Variants in GTF3C2 observed in about 807,000 individuals in gnomAD.
The protein encoded by GTF3C2 is general transcription factor IIIC subunit 2, also known as general transcription factor 3C polypeptide 2.
Under a neutral mutation model 117.4 loss-of-function variants are expected in GTF3C2, and 17 were observed. That is an observed-to-expected ratio of 0.14 (90% CI 0.10 to 0.22). The LOEUF (loss-of-function observed/expected upper bound fraction) is 0.22. Ranked by LOEUF, GTF3C2 falls within the 10% of genes least tolerant of loss-of-function variation. The pLI is 1.00. For missense variants in GTF3C2, 888 were observed against 1,143.6 expected, an observed-to-expected ratio of 0.78 and a Z score of 3.22; for synonymous variants, 437 against 427.0, an observed-to-expected ratio of 1.02 and a Z score of -0.29.
At chr2:27,333,148 G>A (rs182827959) in intron 12 of GTF3C2, among the ~76,000 whole-genome samples, 6 of 149,738 alleles carry the variant, frequency 4.0e-5, no homozygotes, top group Admixed American at 1.3e-4. Context: ...ACACCTGGCC[G>A]GCATCTACTC....
chr2:27,341,043 GTTTTGTTTTT>G (rs1680711725), intron 4 of GTF3C2, among the ~76,000 whole-genome samples: 1 of 151,626 alleles, frequency 6.6e-6, no homozygotes, highest in South Asian at 2.1e-4. Context: ...GTTTTGTTTT[GTTTTGTTTTT>G]GAGATGGAGT....
chr2:27,341,927 T>G, intron 4 of GTF3C2, 21 bp downstream of exon 4: 2 of 1,604,478 alleles, frequency 1.2e-6, no homozygotes, highest in Non-Finnish European at 1.7e-6. Context: ...CCCCATTCAC[T>G]TTCTTGTCCA....
chr2:27,333,682 G>T, exon 12 of GTF3C2: 1 of 1,611,420 alleles, frequency 6.2e-7, no homozygotes, highest in Non-Finnish European at 8.5e-7. Context: ...GCTAGGTGTT[G>T]GTGGGGCCTG....
intron 1 of GTF3C2, among the ~76,000 whole-genome samples, chr2:27,347,092 A>G (rs942756930): frequency 6.6e-6 from 1 of 152,168 alleles, no homozygotes; most frequent in African/African-American, 2.4e-5. Context: ...GGGCCAAAGT[A>G]AACTAAGATA....
chr2:27,326,747 C>T, exon 19 of GTF3C2: 1 of 1,614,058 alleles, frequency 6.2e-7, no homozygotes, highest in Non-Finnish European at 8.5e-7. Flanking sequence ...ATGGTTGGAA[C>T]ATAGCATTGA....
chr2:27,354,747 G>A (rs1004509176), intron 1 of GTF3C2, among the ~76,000 whole-genome samples: 3 of 152,106 alleles, frequency 2.0e-5, no homozygotes, highest in Non-Finnish European at 4.4e-5. Flanking sequence ...AGTGACAGAG[G>A]AAGATTCCGG....
chr2:27,342,119 C>T (rs760611104), exon 4 of GTF3C2: 5 of 1,614,028 alleles, frequency 3.1e-6, no homozygotes, highest in Admixed American at 1.7e-5. Context: ...CTGCTGGCTG[C>T]CGGATCTTCT....
rs540845919 is a variant in GTF3C2 at position 27,338,320 on chromosome 2, AAT to A, written c.856-302_856-301del. The A allele has an allele frequency of 5.6e-4, 204 of 365,726 alleles. 3 individuals carry two copies. The highest frequency in any genetic ancestry group is 2.9e-3 in the South Asian group (113 of 38,912). The allele number at this position is 365,726 out of a possible 1,614,324, so 22.7% of individuals were successfully genotyped here. A position where few individuals can be genotyped will look rare whatever the true frequency, so the allele number is the denominator to read the frequency against. ...CCTCTTTGAAACTCCCGCCCTATGG[AAT>A]AGTCTCCCTTACTCCTCTCCCCTCT... On this transcript the variant is annotated intron_variant, in intron 4 of 18. Transcript: ENST00000264720.
At chr2:27,327,431 T>G (rs1680118470) in intron 17 of GTF3C2, 147 bp from the exon 18 acceptor site, 1 of 466,120 alleles carries the variant, frequency 2.1e-6, no homozygotes, top group Non-Finnish European at 3.8e-6. Context: ...GTTCAAGTGA[T>G]TCTCCGCCTC....
intron 1 of GTF3C2, among the ~76,000 whole-genome samples, chr2:27,348,140 T>C (rs1344365527): frequency 6.6e-6 from 1 of 151,978 alleles, no homozygotes; most frequent in Non-Finnish European, 1.5e-5. Context: ...TGGTGCCGCG[T>C]GCCTTAATCC....
intron 10 of GTF3C2, among the ~76,000 whole-genome samples, chr2:27,334,785 G>C (rs1680399985): frequency 1.3e-5 from 2 of 152,024 alleles, no homozygotes; most frequent in Admixed American, 1.3e-4. Flanking sequence ...TGGGATTACA[G>C]GCATGCACCA....
intron 1 of GTF3C2, among the ~76,000 whole-genome samples, chr2:27,346,330 CTTTTTTTTTTTTT>C (rs144256545): frequency 2.0e-4 from 13 of 64,350 alleles, no homozygotes; most frequent in East Asian, 5.1e-4. Flanking sequence ...ATTCTGATAC[CTTTTTTTTTTTTT>C]TTTTTTTTTT....
At chr2:27,338,205 T>C (rs2148287666) in intron 4 of GTF3C2, 185 bp from the exon 5 acceptor site, 1 of 587,746 alleles carries the variant, frequency 1.7e-6, no homozygotes, top group East Asian at 2.9e-5. Context: ...TCTGCTCTAC[T>C]CCTCCATCGA....
chr2:27,330,140 CA>C (rs35471821), intron 12 of GTF3C2, among the ~76,000 whole-genome samples: 129 of 84,260 alleles, frequency 1.5e-3, no homozygotes, highest in East Asian at 5.5e-3. Flanking sequence ...GACTCCGTCT[CA>C]AAAAAAAAAA....
At chr2:27,334,721 C>A (rs1225529344) in intron 10 of GTF3C2, among the ~76,000 whole-genome samples, 1 of 152,030 alleles carries the variant, frequency 6.6e-6, no homozygotes, top group Non-Finnish European at 1.5e-5. Context: ...CAGTTCACTG[C>A]AGCCTCAACC....
chr2:27,341,480 A>C (rs1680728367), intron 4 of GTF3C2: 1 of 159,672 alleles, frequency 6.3e-6, no homozygotes, highest in Non-Finnish European at 1.4e-5. Flanking sequence ...TCTCGCCTAC[A>C]ACTTTACTCC....
At chr2:27,326,602 T>G (rs1680079565) in exon 19 of GTF3C2, 1 of 1,136,726 alleles carries the variant, frequency 8.8e-7, no homozygotes, top group African/African-American at 1.5e-5. Flanking sequence ...AGGCCCCCAG[T>G]TCCTATGGCT....
intron 1 of GTF3C2, among the ~76,000 whole-genome samples, chr2:27,351,395 CAG>C (rs1275550936): frequency 6.6e-6 from 1 of 152,164 alleles, no homozygotes; most frequent in Admixed American, 6.6e-5. Context: ...GCCTGGGTGA[CAG>C]AGTGAGACTC....
intron 3 of GTF3C2, 181 bp downstream of exon 3, chr2:27,342,645 G>C (rs956560131): frequency 4.5e-5 from 27 of 597,912 alleles, no homozygotes; most frequent in Non-Finnish European, 7.2e-5. Flanking sequence ...GATAAACCAA[G>C]TTAGCAATAC....
Sources: gnomAD v4.1 joint callset for allele counts (sites outside exome capture counted in the v4.1 genomes callset) on GRCh38, gnomAD v4.1.1 for gene constraint, MANE v1.5 for transcripts, NCBI Gene and HGNC (gene_info 2026-07-23, HGNC 2026-07-21) for gene names.